The following FOXP1 variants were observed in gnomAD, a reference collection of about 807,000 sequenced individuals.
FOXP1 encodes forkhead box protein P1.
A neutral mutation model predicts 98.2 loss-of-function variants in FOXP1; 15 were observed. That is an observed-to-expected ratio of 0.15 (90% CI 0.10 to 0.24). The LOEUF (loss-of-function observed/expected upper bound fraction) is 0.24. Ranked by LOEUF, FOXP1 falls within the 10% of genes least tolerant of loss-of-function variation. FOXP1 has a pLI of 1.00. For missense variants in FOXP1, 633 were observed against 848.5 expected (o/e 0.75, Z 3.15); for synonymous variants, 371 against 314.5 (o/e 1.18, Z -1.90).
chr3:71,348,345 T>G (rs916442161), intron 4 of FOXP1, among the ~76,000 whole-genome samples: 1 of 152,200 alleles, frequency 6.6e-6, no homozygotes, highest in African/African-American at 2.4e-5. Context: ...GAACTCCATT[T>G]ATTCCAACAG....
chr3:71,083,859 T>C (rs535155486), intron 7 of FOXP1, among the ~76,000 whole-genome samples: 2 of 152,316 alleles, frequency 1.3e-5, no homozygotes, highest in South Asian at 2.1e-4. Context: ...CTGAGCTGGG[T>C]TTTGACATTT....
chr3:71,224,972 G>A (rs546606372), intron 5 of FOXP1, among the ~76,000 whole-genome samples: 2 of 152,314 alleles, frequency 1.3e-5, no homozygotes, highest in African/African-American at 4.8e-5. Flanking sequence ...TGCCTAAGTG[G>A]ATGAATGAAT....
chr3:71,475,312 G>A (rs1043605905), intron 3 of FOXP1, among the ~76,000 whole-genome samples: 1 of 152,088 alleles, frequency 6.6e-6, no homozygotes, highest in African/African-American at 2.4e-5. Context: ...GTGGAAGAAG[G>A]AGCAACTATA....
At chr3:71,373,408 C>A (rs928132324) in intron 3 of FOXP1, among the ~76,000 whole-genome samples, 3 of 152,166 alleles carry the variant, frequency 2.0e-5, no homozygotes, top group Admixed American at 2.0e-4. Context: ...AACCAAATGA[C>A]ATGAGTTGTA....
At chr3:71,236,088 C>T (rs2066749250) in intron 5 of FOXP1, among the ~76,000 whole-genome samples, 1 of 152,204 alleles carries the variant, frequency 6.6e-6, no homozygotes, top group African/African-American at 2.4e-5. Context: ...CAAGGAATCC[C>T]ATTCTCTCCT....
chr3:71,111,063 G>C (rs1025880090), intron 7 of FOXP1, among the ~76,000 whole-genome samples: 4 of 152,226 alleles, frequency 2.6e-5, no homozygotes, highest in African/African-American at 9.6e-5. Flanking sequence ...AGAAGAACTA[G>C]AACTTGTTGG....
At chr3:71,448,541 T>C (rs1048486302) in intron 3 of FOXP1, among the ~76,000 whole-genome samples, 4 of 152,182 alleles carry the variant, frequency 2.6e-5, no homozygotes, top group Non-Finnish European at 4.4e-5. Context: ...TATTGACCTG[T>C]GAACTTGGGT....
intron 7 of FOXP1, among the ~76,000 whole-genome samples, chr3:71,069,409 A>G (rs1382846536): frequency 1.3e-5 from 2 of 152,230 alleles, no homozygotes; most frequent in East Asian, 3.8e-4. Flanking sequence ...AAATGACAAC[A>G]TCCTTTCCTA....
At chr3:71,419,418 A>G (rs1015185695) in intron 3 of FOXP1, among the ~76,000 whole-genome samples, 4 of 152,052 alleles carry the variant, frequency 2.6e-5, no homozygotes, top group African/African-American at 9.7e-5. Flanking sequence ...AACAGCCTCT[A>G]ATCTTTGTAG....
chr3:71,087,404 T>A (rs913327486), intron 7 of FOXP1, among the ~76,000 whole-genome samples: 1 of 152,192 alleles, frequency 6.6e-6, no homozygotes, highest in Admixed American at 6.5e-5. Context: ...TTATGCAACA[T>A]ATTGATGTAA....
intron 11 of FOXP1, among the ~76,000 whole-genome samples, chr3:71,029,355 G>A (rs1217328840): frequency 6.6e-6 from 1 of 152,020 alleles, no homozygotes. Context: ...AGATGTAGGG[G>A]GAACATACAC....
intron 7 of FOXP1, among the ~76,000 whole-genome samples, chr3:71,072,166 T>A (rs2053324405): frequency 1.3e-5 from 2 of 151,964 alleles, no homozygotes; most frequent in Admixed American, 6.6e-5. Flanking sequence ...TAAAATATTT[T>A]AAAAAATTAG....
chr3:71,396,919 T>TAC (rs2081421427), intron 3 of FOXP1, among the ~76,000 whole-genome samples: 1 of 83,772 alleles, frequency 1.2e-5, no homozygotes, highest in East Asian at 2.2e-4. Flanking sequence ...TATATGTGTG[T>TAC]ATATATATAT....
chr3:71,182,229 C>A (rs2062354575), intron 6 of FOXP1, among the ~76,000 whole-genome samples: 1 of 152,082 alleles, frequency 6.6e-6, no homozygotes, highest in Non-Finnish European at 1.5e-5. Context: ...CACCAGGGAG[C>A]AGCTAAGTGG....
intron 2 of FOXP1, among the ~76,000 whole-genome samples, chr3:71,505,647 G>T (rs573115053): frequency 6.6e-6 from 1 of 152,020 alleles, no homozygotes; most frequent in Non-Finnish European, 1.5e-5. Context: ...GGATAGTCTC[G>T]ATCTCCTGAC....
At chr3:71,155,095 G>A (rs1331584157) in intron 6 of FOXP1, among the ~76,000 whole-genome samples, 3 of 152,144 alleles carry the variant, frequency 2.0e-5, no homozygotes, top group African/African-American at 7.2e-5. Flanking sequence ...GATGCTGAGA[G>A]GCAAGCCACA....
At chr3:71,242,198 C>T (rs565814348) in intron 5 of FOXP1, among the ~76,000 whole-genome samples, 256 of 152,284 alleles carry the variant, frequency 1.7e-3, no homozygotes, top group Middle Eastern at 3.4e-3. Flanking sequence ...ATTACTAACC[C>T]CCCATATTCA....
chr3:71,103,851 T>C (rs1479718893), intron 7 of FOXP1, among the ~76,000 whole-genome samples: 1 of 152,144 alleles, frequency 6.6e-6, no homozygotes, highest in Non-Finnish European at 1.5e-5. Context: ...GTGAGACTCA[T>C]ATGGAAAAAT....
intron 14 of FOXP1, among the ~76,000 whole-genome samples, chr3:70,983,885 C>T (rs1252528080): frequency 6.6e-6 from 1 of 152,072 alleles, no homozygotes; most frequent in Non-Finnish European, 1.5e-5. Flanking sequence ...TCACTCCCTC[C>T]CCCAAATGAA....
Sources: gnomAD v4.1 joint callset for allele counts (sites outside exome capture counted in the v4.1 genomes callset) on GRCh38, gnomAD v4.1.1 for gene constraint, MANE v1.5 for transcripts, NCBI Gene and HGNC (gene_info 2026-07-23, HGNC 2026-07-21) for gene names.